The following ADD3 variants were observed in gnomAD, a reference collection of about 807,000 sequenced individuals.
The protein encoded by ADD3 is gamma-adducin.
Under a neutral mutation model 80.2 loss-of-function variants are expected in ADD3, and 25 were observed. The ratio of observed to expected loss-of-function variants is 0.31; its 90% CI spans 0.23 to 0.44. ADD3 has a LOEUF of 0.44. Ranked by LOEUF, ADD3 falls within the 20% of genes least tolerant of loss-of-function variation. The pLI is 1.00. For missense variants in ADD3, 829 were observed against 847.5 expected (o/e 0.98, Z 0.27); for synonymous variants, 284 against 289.6 (o/e 0.98, Z 0.20).
intron 1 of ADD3, among the ~76,000 whole-genome samples, chr10:110,070,664 A>C (rs1844565940): frequency 6.6e-6 from 1 of 152,156 alleles, no homozygotes; most frequent in South Asian, 2.1e-4. Flanking sequence ...GTATATAGCA[A>C]ATCTATCAAC....
rs528395300 is a variant in ADD3, at chr10:110,035,547, G to C, written c.-30+27248G>C. Among the ~76,000 whole-genome samples, 4 of 152,260 alleles carry C rather than the reference G, an allele frequency of 2.6e-5. No individual in the cohort carries two copies. In the East Asian group the frequency reaches 5.9e-4, roughly 22 times the overall value. ...TGCTGACTAAACAGAAATTGCACTT[G>C]TGGCGCTTTGTCAGCTGCCTGTAGT... On this transcript the variant is annotated intron_variant, in intron 1 of 14. Transcript: ENST00000356080.
At chr10:110,055,002 C>A (rs545328696) in intron 1 of ADD3, among the ~76,000 whole-genome samples, 1 of 152,232 alleles carries the variant, frequency 6.6e-6, no homozygotes, top group African/African-American at 2.4e-5. Context: ...ACCTCGTGAT[C>A]CGCCTTCCTC....
rs573552292 is a variant in ADD3 at position 110,028,816 on chromosome 10, A to G, written c.-30+20517A>G. Among the ~76,000 whole-genome samples, 3 of 152,050 alleles carry G rather than the reference A, an allele frequency of 2.0e-5. No individual in the cohort carries two copies. The South Asian group carries it at 6.2e-4, about 32-fold the overall frequency. ...TAGTAAATGTTTCTGAATTTGTTTCAGTTAAGAGAAAAATCACAATTAACT... is the reference window on the plus strand; with the variant it reads ...TAGTAAATGTTTCTGAATTTGTTTCGGTTAAGAGAAAAATCACAATTAACT... On this transcript the variant is annotated intron_variant, in intron 1 of 14. Coordinates refer to ENST00000356080, the MANE Select transcript of ADD3 (RefSeq NM_016824.5).
chr10:110,105,463 A>AAT lies in ADD3; in HGVS notation c.195+4617_195+4618dup, dbSNP rs1349557313. Among the ~76,000 whole-genome samples, 7 of 152,318 alleles carry AAT rather than the reference A, an allele frequency of 4.6e-5. No homozygotes were observed. In the East Asian group the frequency reaches 1.2e-3, roughly 25 times the overall value. The stretch of plus-strand genomic sequence containing the variant: ...ATTCTGAATGCATGGATGGATAGAG[A>AAT]ATAGCTAGGTGGGCTTTGAAACATT... On this transcript the variant is annotated intron_variant, in intron 2 of 14. Coordinates refer to ENST00000356080, the MANE Select transcript of ADD3 (RefSeq NM_016824.5).
At chr10:110,127,330 A>G (rs1044002646) in intron 12 of ADD3, among the ~76,000 whole-genome samples, 2 of 152,182 alleles carry the variant, frequency 1.3e-5, no homozygotes, top group Admixed American at 1.3e-4. Flanking sequence ...AAGAATTATA[A>G]AGTCCCGGCT....
At chr10:110,069,327 T>C (rs960468329) in intron 1 of ADD3, among the ~76,000 whole-genome samples, 1 of 152,194 alleles carries the variant, frequency 6.6e-6, no homozygotes, top group Non-Finnish European at 1.5e-5. Context: ...TCTTAAACAT[T>C]AACCCTGTGG....
At chr10:110,057,207 T>C (rs1475259232) in intron 1 of ADD3, among the ~76,000 whole-genome samples, 1 of 152,240 alleles carries the variant, frequency 6.6e-6, no homozygotes, top group Admixed American at 6.5e-5. Flanking sequence ...TTGGGTATTA[T>C]GTGACAACTA....
intron 12 of ADD3, among the ~76,000 whole-genome samples, chr10:110,126,732 A>ATGAGG (rs2134194916): frequency 6.6e-6 from 1 of 152,278 alleles, no homozygotes; most frequent in African/African-American, 2.4e-5. Context: ...GTTAGTTGAG[A>ATGAGG]TGAGGTCTCA....
At chr10:110,120,116 C>T (rs771454300) in intron 8 of ADD3, among the ~76,000 whole-genome samples, 5 of 150,518 alleles carry the variant, frequency 3.3e-5, no homozygotes, top group Non-Finnish European at 7.4e-5. Flanking sequence ...GGTACATGTG[C>T]ACATTGTGCA....
intron 1 of ADD3, among the ~76,000 whole-genome samples, chr10:110,046,300 T>C (rs141262670): frequency 8.9e-4 from 136 of 152,314 alleles, no homozygotes; most frequent in Non-Finnish European, 1.4e-3. Context: ...GCTTGCTTTA[T>C]TGTAGAGTAC....
Position 110,132,365 on chromosome 10 carries a change from C to T in ADD3, c.1793C>T (p.Thr598Ile). The T allele has an allele frequency of 6.2e-7, 1 of 1,613,804 alleles. No individual in the cohort carries two copies. Among genetic ancestry groups the T allele is most frequent in the Non-Finnish European group, 8.5e-7 (1 of 1,179,782 alleles). ...ASSVSQIQSQ[T>I]QSPQNVPEKL... The stretch of plus-strand genomic sequence containing the variant: ...TCTGTTTCACAAATTCAGTCTCAAA[C>T]TCAGTCACCGCAAAATGTCCCTGAA... The change falls in exon 14 of 15, where the codon ACT (threonine) becomes ATT (isoleucine). Residue 598 changes from threonine (T) to isoleucine (I), a missense_variant. Physicochemically the swap from Thr to Ile is moderately conservative, Grantham distance 89. Transcript: ENST00000356080.
chr10:110,065,232 T>C (rs973069908), intron 1 of ADD3, among the ~76,000 whole-genome samples: 19 of 152,190 alleles, frequency 1.2e-4, no homozygotes, highest in Admixed American at 6.5e-5. Context: ...TTTTGTTAGA[T>C]ATACAATTCC....
chr10:110,133,206 C>G (rs1281418930), intron 14 of ADD3, 120 bp from the exon 15 acceptor site: 3 of 935,108 alleles, frequency 3.2e-6, no homozygotes, highest in Admixed American at 5.5e-5. Flanking sequence ...AAATAATGAT[C>G]TGTCTTCATT....
intron 1 of ADD3, among the ~76,000 whole-genome samples, chr10:110,095,696 A>G (rs1329594485): frequency 1.3e-5 from 2 of 152,232 alleles, no homozygotes; most frequent in African/African-American, 2.4e-5. Context: ...ATAGTCAAAG[A>G]CGAGAAATAA....
At chr10:110,013,458 A>G (rs1852566214) in intron 1 of ADD3, among the ~76,000 whole-genome samples, 2 of 152,190 alleles carry the variant, frequency 1.3e-5, no homozygotes, top group African/African-American at 4.8e-5. Flanking sequence ...CAGTGGGCAT[A>G]TGCAATTTCC....
intron 1 of ADD3, among the ~76,000 whole-genome samples, chr10:110,014,578 T>G (rs1261160005): frequency 6.6e-6 from 1 of 152,148 alleles, no homozygotes; most frequent in Non-Finnish European, 1.5e-5. Context: ...CAGGCTGGAG[T>G]GCAATGGCGC....
intron 1 of ADD3, among the ~76,000 whole-genome samples, chr10:110,031,034 G>C (rs943615304): frequency 2.0e-5 from 3 of 152,042 alleles, no homozygotes; most frequent in Admixed American, 2.0e-4. Flanking sequence ...CCAGCACTTT[G>C]GGAGACCGAG....
At chr10:110,078,873 A>G (rs1340147168) in intron 1 of ADD3, among the ~76,000 whole-genome samples, 1 of 152,204 alleles carries the variant, frequency 6.6e-6, no homozygotes. Context: ...CTTGCCAACG[A>G]ATTTGCTGTT....
At chr10:110,079,243 TG>T (rs1845732362) in intron 1 of ADD3, 1 of 152,168 alleles carries the variant, frequency 6.6e-6, no homozygotes, top group Non-Finnish European at 1.5e-5. Flanking sequence ...TCACCAGAGT[TG>T]TCTCCCAGAG....
Sources: gnomAD v4.1 joint callset for allele counts (sites outside exome capture counted in the v4.1 genomes callset) on GRCh38, gnomAD v4.1.1 for gene constraint, MANE v1.5 for transcripts, NCBI Gene and HGNC (gene_info 2026-07-23, HGNC 2026-07-21) for gene names.